The following SLF1 variants were observed in gnomAD, a reference collection of about 807,000 sequenced individuals.
SLF1 encodes the protein SMC5/6 complex localization factor 1.
SLF1 carries 105 observed loss-of-function variants against 123.0 expected under a neutral mutation model. That is an observed-to-expected ratio of 0.85 (90% CI 0.73 to 1.00). The LOEUF is 1.00. Among genes scored for constraint, SLF1 ranks in the 50% least tolerant of loss-of-function variants. SLF1 has a pLI of 0.00. For synonymous variants in SLF1, 434 were observed against 406.6 expected (o/e 1.07, Z -0.81); for missense variants, 1,239 against 1,223.0 (o/e 1.01, Z -0.20).
chr5:94,651,837 G>T lies in SLF1; in HGVS notation c.874G>T (p.Glu292Ter). 7.1e-7 allele frequency: 1 copy of T among 1,399,414 alleles called. No homozygotes were observed. Among genetic ancestry groups the T allele is most frequent in the African/African-American group, 1.5e-5 (1 of 67,890 alleles). The allele number at this position is 1,399,414 out of a possible 1,614,324, so 86.7% of individuals were successfully genotyped here. Residue 292 changes from glutamate to a stop codon, truncating the protein, a stop_gained, in exon 7 of 21, where the codon GAA becomes TAA. Coordinates refer to ENST00000265140, the MANE Select transcript of SLF1 (RefSeq NM_032290.4). LOFTEE classifies it high-confidence loss of function. ...AAATACCTTTGGAAGCCATACATAT[G>T]AAAATCAGGTACAACTTTCCAAATT... ...MRNTFGSHTY[E>*]NQKEIKKKDE...
At chr5:94,631,950 T>C (rs1745241351) in intron 4 of SLF1, among the ~76,000 whole-genome samples, 2 of 149,450 alleles carry the variant, frequency 1.3e-5, no homozygotes, top group African/African-American at 4.9e-5. Flanking sequence ...ATGCTGTCTC[T>C]ACAAAATTTT....
Position 94,651,612 on chromosome 5 carries a change from G to A in SLF1, c.739-90G>A, listed in dbSNP as rs1274994222. The A allele has an allele frequency of 2.8e-6, 3 of 1,056,684 alleles. No homozygotes were observed. In the Admixed American group the frequency reaches 1.1e-4, roughly 39 times the overall value. The allele number at this position is 1,056,684 out of a possible 1,614,324, so 65.5% of individuals were successfully genotyped here. A position where few individuals can be genotyped will look rare whatever the true frequency, so the allele number is the denominator to read the frequency against. ...TATATTTTACAAAATCTATGTTCCT[G>A]GATGGGTTTTTCTTTTGTGACTTGT... On this transcript the variant is annotated intron_variant, in intron 6 of 20. Transcript: ENST00000265140.
intron 1 of SLF1, among the ~76,000 whole-genome samples, chr5:94,619,395 T>C (rs1263443861): frequency 6.6e-6 from 1 of 152,130 alleles, no homozygotes; most frequent in Non-Finnish European, 1.5e-5. Flanking sequence ...AGGGTCTGTG[T>C]TCCTGGGGTT....
rs3084531 is a variant in SLF1 at position 94,651,923 on chromosome 5, AAAT to A, written c.882+80_882+82del. 766 of 702,806 alleles carry A rather than the reference AAAT, an allele frequency of 1.1e-3. 5 individuals are homozygous for A. In the African/African-American group the frequency reaches 0.014, roughly 12 times the overall value. The allele number at this position is 702,806 out of a possible 1,614,324, so 43.5% of individuals were successfully genotyped here. On this transcript the variant is annotated intron_variant, in intron 7 of 20. Transcript: ENST00000265140. ...AGAACAGTTTTCTTTAGCTTTTAAA[AAAT>A]ATATAAAAATGAGTTATGTATCCAA...
rs780373324 is a variant in SLF1 at position 94,672,326 on chromosome 5, C to T, written c.1827+1318C>T. ...TAACAAAAATGCTTATGTAGTTTCT[C>T]GTCAAATACTTCCTCAGATCCATTT... On this transcript the variant is annotated intron_variant, in intron 14 of 20. Coordinates refer to ENST00000265140, the MANE Select transcript of SLF1 (RefSeq NM_032290.4). Among the ~76,000 whole-genome samples, 6 of 152,040 alleles carry T rather than the reference C, an allele frequency of 3.9e-5. No homozygotes were observed. The South Asian group carries it at 6.2e-4, about 16-fold the overall frequency.
intron 4 of SLF1, among the ~76,000 whole-genome samples, chr5:94,634,627 C>T (rs774829124): frequency 3.9e-5 from 6 of 152,166 alleles, no homozygotes; most frequent in Non-Finnish European, 8.8e-5. Context: ...AATAATGCTG[C>T]AGTAAATATG....
rs1472384909 is a variant in SLF1, at chr5:94,685,767, G to A, written c.1976-806G>A. Among the ~76,000 whole-genome samples, 4 of 151,550 alleles carry A rather than the reference G, an allele frequency of 2.6e-5. No homozygotes were observed. In the East Asian group the frequency reaches 5.8e-4, roughly 22 times the overall value. On this transcript the variant is annotated intron_variant, in intron 15 of 20. Transcript: ENST00000265140. ...GGAGAATCGCTTGAACCTGGGAGGC[G>A]GAGGTTGCAGTGAGCCGAGATCGCA... is the stretch of plus-strand genomic sequence containing the variant.
intron 1 of SLF1, among the ~76,000 whole-genome samples, chr5:94,621,869 A>G (rs1243609174): frequency 2.1e-5 from 3 of 143,034 alleles, no homozygotes; most frequent in Admixed American, 7.1e-5. Context: ...CTTCTGTCAA[A>G]TAATTAATAT....
intron 15 of SLF1, among the ~76,000 whole-genome samples, chr5:94,685,151 C>T (rs1332075199): frequency 6.6e-6 from 1 of 152,226 alleles, no homozygotes; most frequent in Non-Finnish European, 1.5e-5. Flanking sequence ...TTTATGAAGG[C>T]ATCTGAGCAG....
chr5:94,624,667 C>T (rs1470360794), intron 1 of SLF1, among the ~76,000 whole-genome samples: 1 of 151,976 alleles, frequency 6.6e-6, no homozygotes, highest in African/African-American at 2.4e-5. Flanking sequence ...TTAAATGAAA[C>T]TTTTGGGTAA....
rs1259238137 is a variant in SLF1 at position 94,629,063 on chromosome 5, C to T, written c.115-29C>T. ...CATAAAGGGAGTCTTACTTTAGTAA[C>T]ATTTCTTGATGTGGATTTTTCCCTC... On this transcript the variant is annotated intron_variant, in intron 2 of 20. Transcript: ENST00000265140. 2.6e-6 allele frequency: 4 copies of T among 1,513,044 alleles called. No individual in the cohort carries two copies. The East Asian group carries it at 9.9e-5, about 38-fold the overall frequency. The allele number at this position is 1,513,044 out of a possible 1,614,324, so 93.7% of individuals were successfully genotyped here.
rs1405496812 is a variant in SLF1, at chr5:94,651,846, G to A, written c.882+1G>A. On this transcript the variant is annotated splice_donor_variant, in intron 7 of 20. Coordinates refer to ENST00000265140, the MANE Select transcript of SLF1 (RefSeq NM_032290.4). LOFTEE classifies it high-confidence loss of function. ...TGGAAGCCATACATATGAAAATCAG[G>A]TACAACTTTCCAAATTAAAAATAAT... The A allele has an allele frequency of 9.6e-6, 13 of 1,356,820 alleles. No homozygotes were observed. Among genetic ancestry groups the A allele is most frequent in the Non-Finnish European group, 1.3e-5 (13 of 1,023,902 alleles). The allele number at this position is 1,356,820 out of a possible 1,614,324, so 84.0% of individuals were successfully genotyped here.
Position 94,678,866 on chromosome 5 carries a change from A to G in SLF1, c.1886A>G (p.Tyr629Cys). Residue 629 changes from tyrosine to cysteine, a missense_variant, in exon 15 of 21, where the codon TAT becomes TGT. Transcript: ENST00000265140. Reference protein sequence around the residue: ...LAGILGAAIDYWIFLGLKMGR... With the variant: ...LAGILGAAIDCWIFLGLKMGR... ...GGAATTCTTGGAGCAGCAATAGATT[A>G]TTGGATTTTCCTTGGTCTTAAGATG... 6.2e-7 allele frequency: 1 copy of G among 1,613,784 alleles called. No homozygotes were observed. Among genetic ancestry groups the G allele is most frequent in the Non-Finnish European group, 8.5e-7 (1 of 1,179,820 alleles).
At chr5:94,673,697 A>G (rs1391495811) in intron 14 of SLF1, among the ~76,000 whole-genome samples, 1 of 150,002 alleles carries the variant, frequency 6.7e-6, no homozygotes, top group African/African-American at 2.4e-5. Context: ...CTCTTAAAAA[A>G]AAAAAAAAAA....
At chr5:94,629,821 A>G (rs550843857) in intron 3 of SLF1, 17 of 152,326 alleles carry the variant, frequency 1.1e-4, no homozygotes, top group Admixed American at 9.8e-4. Flanking sequence ...CATTGTCCAT[A>G]ATGTTCAAAA....
At chr5:94,694,605 C>T (rs553069841) in intron 20 of SLF1, among the ~76,000 whole-genome samples, 6 of 151,782 alleles carry the variant, frequency 4.0e-5, no homozygotes, top group South Asian at 2.1e-4. Flanking sequence ...ATTTATTTAA[C>T]GGAGGCATGC....
At chr5:94,668,080 T>C (rs1048107521) in intron 12 of SLF1, among the ~76,000 whole-genome samples, 2 of 151,782 alleles carry the variant, frequency 1.3e-5, no homozygotes, top group Non-Finnish European at 2.9e-5. Context: ...TCTTCTCTCC[T>C]CTCTCCTCTC....
At chr5:94,653,024 AT>A (rs1408389669) in intron 7 of SLF1, among the ~76,000 whole-genome samples, 1 of 151,934 alleles carries the variant, frequency 6.6e-6, no homozygotes, top group East Asian at 1.9e-4. Flanking sequence ...CGCCTGGCTA[AT>A]TTTGTATTTT....
At chr5:94,672,402 T>C (rs1429525410) in intron 14 of SLF1, among the ~76,000 whole-genome samples, 1 of 152,038 alleles carries the variant, frequency 6.6e-6, no homozygotes, top group Non-Finnish European at 1.5e-5. Flanking sequence ...TACCTTTTCT[T>C]CATATTCTTT....
Sources: allele counts gnomAD v4.1 joint callset (sites outside exome capture counted in the v4.1 genomes callset), GRCh38; gene constraint gnomAD v4.1.1; transcripts MANE v1.5; gene names NCBI Gene and HGNC (gene_info 2026-07-23, HGNC 2026-07-21).